The following CHSY3 variants were observed in gnomAD, a reference collection of about 807,000 sequenced individuals.
CHSY3 encodes N-acetylgalactosaminyl-proteoglycan 3-beta-glucuronosyltransferase 3.
In CHSY3, 35 loss-of-function variants were observed where a neutral mutation model predicts 67.2. That is an observed-to-expected ratio of 0.52 (90% CI 0.40 to 0.69). The LOEUF is 0.69. Ranked by LOEUF, CHSY3 falls within the 30% of genes least tolerant of loss-of-function variation. The pLI, the probability that CHSY3 is intolerant of heterozygous loss-of-function variation, is 0.00. For synonymous variants in CHSY3, 474 were observed against 434.7 expected, an observed-to-expected ratio of 1.09 and a Z score of -1.12; for missense variants, 1,069 against 1,138.5, an observed-to-expected ratio of 0.94 and a Z score of 0.88.
chr5:130,014,751 A>G (rs939554990), intron 2 of CHSY3, among the ~76,000 whole-genome samples: 2 of 152,342 alleles, frequency 1.3e-5, no homozygotes, highest in South Asian at 4.1e-4. Flanking sequence ...AGCTTTAAAA[A>G]TCCTAGAAAA....
At chr5:130,129,044 A>C (rs1768394560) in intron 2 of CHSY3, among the ~76,000 whole-genome samples, 1 of 151,972 alleles carries the variant, frequency 6.6e-6, no homozygotes. Context: ...TTATCTGCTC[A>C]ATTCTAGTGA....
intron 2 of CHSY3, among the ~76,000 whole-genome samples, chr5:130,079,175 T>G (rs2149685763): frequency 6.6e-6 from 1 of 152,276 alleles, no homozygotes; most frequent in South Asian, 2.1e-4. Flanking sequence ...ACCTCCATTC[T>G]TCCATTTTTC....
chr5:130,035,886 G>GTTTTTTTTTTTTTTTTT (rs1180462327), intron 2 of CHSY3, among the ~76,000 whole-genome samples: 5 of 65,560 alleles, frequency 7.6e-5, no homozygotes, highest in African/African-American at 2.4e-4. Context: ...TCATTTGGTT[G>GTTTTTTTTTTTTTTTTT]TTTTTTTTTT....
chr5:130,143,730 G>GTATATATATATATATATATATA (rs1285066017), intron 2 of CHSY3, among the ~76,000 whole-genome samples: 9 of 104,524 alleles, frequency 8.6e-5, no homozygotes, highest in African/African-American at 3.3e-4. Context: ...ATGTGTGTGT[G>GTATATATATATATATATATATA]TGTGTATATA....
At chr5:130,078,705 A>G (rs1766350470) in intron 2 of CHSY3, among the ~76,000 whole-genome samples, 1 of 152,166 alleles carries the variant, frequency 6.6e-6, no homozygotes, top group South Asian at 2.1e-4. Flanking sequence ...ACAAAATACA[A>G]AGTGCCAAAA....
chr5:130,130,980 A>C (rs1238124836), intron 2 of CHSY3, among the ~76,000 whole-genome samples: 4 of 152,154 alleles, frequency 2.6e-5, no homozygotes, highest in Non-Finnish European at 5.9e-5. Flanking sequence ...GGTGCTTCTC[A>C]GAGCTTGCTT....
intron 2 of CHSY3, among the ~76,000 whole-genome samples, chr5:130,143,874 C>G (rs1402361350): frequency 8.0e-6 from 1 of 124,586 alleles, no homozygotes; most frequent in Non-Finnish European, 1.7e-5. Flanking sequence ...TGGATACTGC[C>G]AAACTATTTT....
At chr5:130,030,746 A>G (rs887765508) in intron 2 of CHSY3, among the ~76,000 whole-genome samples, 1 of 152,114 alleles carries the variant, frequency 6.6e-6, no homozygotes, top group African/African-American at 2.4e-5. Flanking sequence ...CTACTAAGTC[A>G]GGACAGTTTT....
At chr5:130,100,577 T>C (rs534369095) in intron 2 of CHSY3, among the ~76,000 whole-genome samples, 1 of 152,286 alleles carries the variant, frequency 6.6e-6, no homozygotes, top group Admixed American at 6.5e-5. Context: ...AAAGTTGAAA[T>C]GACAAAGTCA....
At chr5:129,931,172 A>G (rs1388782799) in intron 2 of CHSY3, among the ~76,000 whole-genome samples, 2 of 152,078 alleles carry the variant, frequency 1.3e-5, no homozygotes, top group African/African-American at 4.8e-5. Flanking sequence ...CGGCCTACAC[A>G]TGTGTCTCCA....
chr5:130,063,770 C>T (rs562254079), intron 2 of CHSY3, among the ~76,000 whole-genome samples: 2 of 152,160 alleles, frequency 1.3e-5, no homozygotes, highest in African/African-American at 2.4e-5. Context: ...GCATCCTCAC[C>T]TGGCAGAAGA....
At chr5:129,933,804 T>A (rs2149590372) in intron 2 of CHSY3, among the ~76,000 whole-genome samples, 1 of 152,274 alleles carries the variant, frequency 6.6e-6, no homozygotes, top group Non-Finnish European at 1.5e-5. Context: ...TTCTAAATTA[T>A]TTCATATAAT....
intron 2 of CHSY3, among the ~76,000 whole-genome samples, chr5:130,042,800 A>G (rs1031455742): frequency 6.6e-6 from 1 of 152,080 alleles, no homozygotes; most frequent in Non-Finnish European, 1.5e-5. Flanking sequence ...TGTTTCCAAC[A>G]GTACCCTAGA....
chr5:130,154,688 A>T (rs1769322342), intron 2 of CHSY3, among the ~76,000 whole-genome samples: 1 of 152,234 alleles, frequency 6.6e-6, no homozygotes, highest in Admixed American at 6.5e-5. Context: ...ATTAACTTTG[A>T]CATGGAGGTG....
At chr5:129,954,136 C>T (rs949345743) in intron 2 of CHSY3, among the ~76,000 whole-genome samples, 3 of 151,984 alleles carry the variant, frequency 2.0e-5, no homozygotes, top group Non-Finnish European at 4.4e-5. Flanking sequence ...GTCTTTAATC[C>T]ATCTTGAGTT....
intron 2 of CHSY3, among the ~76,000 whole-genome samples, chr5:129,962,423 C>T (rs1392239866): frequency 6.6e-6 from 1 of 152,012 alleles, no homozygotes; most frequent in Admixed American, 6.6e-5. Context: ...AGGCTGGCAT[C>T]ATCTGTTTCC....
chr5:130,039,279 G>A (rs1248201960), intron 2 of CHSY3, among the ~76,000 whole-genome samples: 2 of 151,992 alleles, frequency 1.3e-5, no homozygotes, highest in African/African-American at 4.8e-5. Flanking sequence ...TTGAATCCAG[G>A]ATTTTAAGAC....
At chr5:130,090,321 C>T (rs1313026731) in intron 2 of CHSY3, among the ~76,000 whole-genome samples, 2 of 152,090 alleles carry the variant, frequency 1.3e-5, no homozygotes, top group African/African-American at 2.4e-5. Context: ...TATGGAGAGC[C>T]CTTTACTGGA....
intron 2 of CHSY3, among the ~76,000 whole-genome samples, chr5:129,994,481 C>A (rs980351568): frequency 2.6e-5 from 4 of 152,228 alleles, no homozygotes; most frequent in Admixed American, 6.6e-5. Flanking sequence ...ATCACTGATA[C>A]CCTTTCTTCC....
Sources: allele counts gnomAD v4.1 joint callset (sites outside exome capture counted in the v4.1 genomes callset), GRCh38; gene constraint gnomAD v4.1.1; transcripts MANE v1.5; gene names NCBI Gene and HGNC (gene_info 2026-07-23, HGNC 2026-07-21).